Variants in NBL1 observed in about 807,000 individuals in gnomAD.
NBL1 encodes neuroblastoma suppressor of tumorigenicity 1.
In NBL1, 9 loss-of-function variants were observed where a neutral mutation model predicts 16.0. The ratio of observed to expected loss-of-function variants is 0.56; its 90% confidence interval spans 0.34 to 0.98. The LOEUF is 0.98. Among genes scored for constraint, NBL1 ranks in the 50% least tolerant of loss-of-function variants. The pLI is 0.02. For synonymous variants in NBL1, 86 were observed against 100.7 expected (o/e 0.85, Z 0.87); for missense variants, 196 against 243.1 (o/e 0.81, Z 1.29).
chr1:19,645,825 AT>A, intron 1 of NBL1: 1 of 1,476,694 alleles, frequency 6.8e-7, no homozygotes, highest in Non-Finnish European at 9.0e-7. Context: ...ATATCGCCTC[AT>A]TATTTTAAAG....
intron 1 of NBL1, among the ~76,000 whole-genome samples, chr1:19,646,852 A>ATCTCAAGCTG (rs1186312762): frequency 1.3e-5 from 2 of 152,182 alleles, no homozygotes; most frequent in African/African-American, 4.8e-5. Context: ...CCCAGCTGTC[A>ATCTCAAGCTG]TCCCACTTGC....
chr1:19,644,489 A>T lies in NBL1; in HGVS notation c.-20+43A>T. 2.1e-6 allele frequency: 2 copies of T among 969,806 alleles called. No homozygotes were observed. Among genetic ancestry groups the T allele is most frequent in the South Asian group, 9.5e-5 (2 of 21,086 alleles). 60.1% of individuals were successfully genotyped at this position (969,806 alleles called of 1,614,324 possible). On this transcript the variant is annotated intron_variant, in intron 1 of 3. Transcript: ENST00000375136. This position sits in a 1 kb window ranked among gnomAD's most constrained non-coding sequence, Gnocchi z 4.6. ...CGGCACGCGGGCGCCCGGCTTCCAG[A>T]GGCTTCGGCCGCGGGGGCAGTGCCG...
chr1:19,655,254 A>T, intron 2 of NBL1, 54 bp downstream of exon 2: 1 of 1,609,808 alleles, frequency 6.2e-7, no homozygotes, highest in East Asian at 2.2e-5. Context: ...AGGAGGGAGG[A>T]AGAGGACCAG....
In NBL1 at chr1:19,657,530, A is replaced by G. The variant is rs1169063504; in HGVS notation, c.*401A>G. The G allele has an allele frequency of 6.5e-6, 1 of 154,390 alleles. No individual in the cohort carries two copies. Among genetic ancestry groups the G allele is most frequent in the Non-Finnish European group, 1.4e-5 (1 of 69,328 alleles). 9.6% of individuals were successfully genotyped at this position (154,390 alleles called of 1,614,324 possible). A position where few individuals can be genotyped will look rare whatever the true frequency, so the allele number is the denominator to read the frequency against. On this transcript the variant is annotated 3_prime_UTR_variant, in exon 4 of 4. Transcript: ENST00000375136. ...ATGGTACTGCTGAGGTCCCGGGCTT[A>G]GTGTGAGCATCTTGCCAGCCTCAGG...
chr1:19,649,393 C>T (rs1373151035), intron 1 of NBL1, among the ~76,000 whole-genome samples: 1 of 152,032 alleles, frequency 6.6e-6, no homozygotes, highest in South Asian at 2.1e-4. Flanking sequence ...AAGTCTCGCT[C>T]TGTCCCCCAG....
chr1:19,650,451 C>T (rs747070755), intron 1 of NBL1, among the ~76,000 whole-genome samples: 2 of 152,212 alleles, frequency 1.3e-5, no homozygotes, highest in Non-Finnish European at 2.9e-5. Context: ...CCCCCAGCTC[C>T]CTGCCCTCAC....
At chr1:19,645,768 G>GT (rs1366276562) in intron 1 of NBL1, 1 of 1,395,288 alleles carries the variant, frequency 7.2e-7, no homozygotes, top group Non-Finnish European at 9.3e-7. Flanking sequence ...CCGGGCCTGT[G>GT]TTTTGGAGGG....
chr1:19,654,904 G>A, intron 1 of NBL1, 108 bp from the exon 2 acceptor site: 1 of 1,383,382 alleles, frequency 7.2e-7, no homozygotes, highest in Non-Finnish European at 9.5e-7. Flanking sequence ...GTAAGTGGGA[G>A]AGCTGGGGTT....
In NBL1 at chr1:19,644,696, A is replaced by C. The variant is rs1039475146; in HGVS notation, c.-20+250A>C. On this transcript the variant is annotated intron_variant, in intron 1 of 3. Transcript: ENST00000375136. This position sits in a 1 kb window ranked among gnomAD's most constrained non-coding sequence, Gnocchi z 4.6. ...ACCGCCGCGTCCGGAGCCCGTCCCC[A>C]GACTCGCCCCAGGGTTCCGTTTCTG... Among the ~76,000 whole-genome samples, 1 of 151,666 alleles carries C rather than the reference A, an allele frequency of 6.6e-6. No individual in the cohort carries two copies. Among genetic ancestry groups the C allele is most frequent in the Non-Finnish European group, 1.5e-5 (1 of 67,838 alleles).
At chr1:19,646,664 C>T (rs1316009904) in intron 1 of NBL1, among the ~76,000 whole-genome samples, 3 of 152,260 alleles carry the variant, frequency 2.0e-5, no homozygotes. Flanking sequence ...ACACCCTCTG[C>T]ACCCAGCAGC....
At chr1:19,647,060 C>T in intron 1 of NBL1, among the ~76,000 whole-genome samples, 1 of 152,214 alleles carries the variant, frequency 6.6e-6, no homozygotes, top group Non-Finnish European at 1.5e-5. Flanking sequence ...GATGGGCGAT[C>T]TCTCCAGAGA....
At chr1:19,650,481 C>A (rs1055274810) in intron 1 of NBL1, among the ~76,000 whole-genome samples, 4 of 152,214 alleles carry the variant, frequency 2.6e-5, no homozygotes, top group Non-Finnish European at 5.9e-5. Flanking sequence ...TCTCCCCACC[C>A]TCCTAGAAGT....
At chr1:19,646,096 A>G in intron 1 of NBL1, 1 of 1,533,056 alleles carries the variant, frequency 6.5e-7, no homozygotes, top group Non-Finnish European at 8.8e-7. Context: ...TGGAAGATGC[A>G]GGCAGGCCTG....
At position 19,644,676 on chromosome 1, in the gene NBL1, C is replaced by T. The variant is rs890967175; in HGVS notation, c.-20+230C>T. 9.2e-5 allele frequency among the ~76,000 whole-genome samples: 14 copies of T among 151,892 alleles called. No homozygotes were observed. The highest frequency in any genetic ancestry group is 3.3e-4 in the Admixed American group (5 of 15,280). ...GCACGGGGTGGCCGGGGGGCACCGCCGCGTCCGGAGCCCGTCCCCAGACTC... is the reference window on the plus strand; with the variant it reads ...GCACGGGGTGGCCGGGGGGCACCGCTGCGTCCGGAGCCCGTCCCCAGACTC... On this transcript the variant is annotated intron_variant, in intron 1 of 3. Coordinates refer to ENST00000375136, the MANE Select transcript of NBL1 (RefSeq NM_005380.8). This position sits in a 1 kb window ranked among gnomAD's most constrained non-coding sequence, Gnocchi z 4.6.
upstream of NBL1, chr1:19,643,874 C>G: frequency 1.0e-6 from 1 of 990,504 alleles, no homozygotes; most frequent in African/African-American, 1.7e-5. This position sits in a 1 kb window ranked among gnomAD's most constrained non-coding sequence, Gnocchi z 4.7. Context: ...CGGGGCAAGT[C>G]TGCAATGCCC....
intron 1 of NBL1, among the ~76,000 whole-genome samples, chr1:19,653,284 TC>T (rs1463935177): frequency 4.6e-4 from 14 of 30,624 alleles, no homozygotes; most frequent in Non-Finnish European, 8.1e-4. Context: ...AGACTCCGTC[TC>T]AAAAAAAAAA....
chr1:19,652,461 C>G (rs199819783), intron 1 of NBL1, among the ~76,000 whole-genome samples: 1 of 151,822 alleles, frequency 6.6e-6, no homozygotes. Context: ...TGGGAGGCGG[C>G]GGGGGGGCAG....
At position 19,644,622 on chromosome 1, in the gene NBL1, C is replaced by T. The variant is rs1467406048; in HGVS notation, c.-20+176C>T. On this transcript the variant is annotated intron_variant, in intron 1 of 3. Coordinates refer to ENST00000375136, the MANE Select transcript of NBL1 (RefSeq NM_005380.8). The surrounding 1 kb of genome is among the most constrained non-coding windows in gnomAD (Gnocchi z 4.6). ...CCCTGGGGGACCTGGCGGGCGCCTC[C>T]GGACGCCGGCGCTGGGGACGTGGGC... Among the ~76,000 whole-genome samples, 4 of 150,876 alleles carry T rather than the reference C, an allele frequency of 2.7e-5. No homozygotes were observed. The highest frequency in any genetic ancestry group is 6.6e-5 in the Admixed American group (1 of 15,182).
rs977131832 is a variant in NBL1, at chr1:19,658,113, CGAG to C, written c.*990_*992del. The C allele has an allele frequency of 7.9e-5, 12 of 152,796 alleles. No individual in the cohort carries two copies. The highest frequency in any genetic ancestry group is 2.7e-4 in the African/African-American group (11 of 41,440). The allele number at this position is 152,796 out of a possible 1,614,324, so 9.5% of individuals were successfully genotyped here. On this transcript the variant is annotated 3_prime_UTR_variant, in exon 4 of 4. Coordinates refer to ENST00000375136, the MANE Select transcript of NBL1 (RefSeq NM_005380.8). ...CGCTGAACCTCGAGGAACTCCAGGA[CGAG>C]GAGGACATGGGACTTGCGTGGACAG... is the stretch of plus-strand genomic sequence containing the variant.
Sources: gnomAD v4.1 joint callset for allele counts (sites outside exome capture counted in the v4.1 genomes callset) on GRCh38, gnomAD v4.1.1 for gene constraint, Gnocchi (gnomAD v3.1) non-coding constraint, MANE v1.5 for transcripts, NCBI Gene and HGNC (gene_info 2026-07-23, HGNC 2026-07-21) for gene names.